GATB: variants seen among roughly 807,000 people sequenced by gnomAD.
GATB encodes the protein glutamyl-tRNA(Gln) amidotransferase subunit B, mitochondrial.
Under a neutral mutation model 62.3 loss-of-function variants are expected in GATB, and 39 were observed. That is an observed-to-expected ratio of 0.63 (90% CI 0.48 to 0.82). GATB has a LOEUF of 0.82. Among genes scored for constraint, GATB ranks in the 40% least tolerant of loss-of-function variants. GATB has a pLI of 0.00. For missense variants in GATB, 670 were observed against 684.0 expected, an observed-to-expected ratio of 0.98 and a Z score of 0.23; for synonymous variants, 276 against 258.9, an observed-to-expected ratio of 1.07 and a Z score of -0.63.
intron 5 of GATB, among the ~76,000 whole-genome samples, chr4:151,715,585 C>T (rs1327685114): frequency 2.6e-5 from 4 of 152,044 alleles, no homozygotes; most frequent in Non-Finnish European, 4.4e-5. Context: ...ATTTGGCTTC[C>T]GCTGTATATG....
rs1317931791 is a variant in GATB at position 151,697,949 on chromosome 4, GTGTGTATATATATA to G, written c.1197+3366_1197+3379del. On this transcript the variant is annotated intron_variant, in intron 9 of 12. Coordinates refer to ENST00000263985, the MANE Select transcript of GATB (RefSeq NM_004564.3). ...CGATTTCATATATATGTGTGTGTGT[GTGTGTATATATATA>G]TATATATATATATATATATATATAT... Among the ~76,000 whole-genome samples, 108 of 96,904 alleles carry G rather than the reference GTGTGTATATATATA, an allele frequency of 1.1e-3. 3 individuals are homozygous for G. Among genetic ancestry groups the G allele is most frequent in the South Asian group, 1.6e-3 (4 of 2,556 alleles). The allele number at this position is 96,904 out of a possible 152,430, so 63.6% of individuals were successfully genotyped here.
In GATB at chr4:151,695,616, A is replaced by T. The variant is rs577360192; in HGVS notation, c.1197+5713T>A. 2.0e-5 allele frequency among the ~76,000 whole-genome samples: 3 copies of T among 152,246 alleles called. No individual in the cohort carries two copies. The South Asian group carries it at 6.2e-4, about 32-fold the overall frequency. On this transcript the variant is annotated intron_variant, in intron 9 of 12. Coordinates refer to ENST00000263985, the MANE Select transcript of GATB (RefSeq NM_004564.3). ...CTTCCCGTCTACTGACTGCATGCAC[A>T]GCCAGGGCCCTGCAAGCTCATCTCT...
At chr4:151,750,535 G>T (rs754839307) in intron 2 of GATB, among the ~76,000 whole-genome samples, 1 of 152,108 alleles carries the variant, frequency 6.6e-6, no homozygotes, top group Non-Finnish European at 1.5e-5. Context: ...TTCCATTTCT[G>T]AGAGATAACT....
At chr4:151,731,146 G>C (rs972384955) in intron 2 of GATB, among the ~76,000 whole-genome samples, 1 of 106,912 alleles carries the variant, frequency 9.4e-6, no homozygotes, top group African/African-American at 3.6e-5. Context: ...CTCTTTCCAC[G>C]GTCTCCCTCT....
chr4:151,674,249 C>A (rs1737948134), intron 11 of GATB: 1 of 152,186 alleles, frequency 6.6e-6, no homozygotes, highest in Non-Finnish European at 1.5e-5. Flanking sequence ...AATGAGGAAA[C>A]CATTGGGAGA....
Position 151,758,918 on chromosome 4 carries a change from G to T in GATB, c.181C>A (p.His61Asn), listed in dbSNP as rs372587700. 31 of 1,598,478 alleles carry T rather than the reference G, an allele frequency of 1.9e-5. No homozygotes were observed. Among genetic ancestry groups the T allele is most frequent in the Admixed American group, 7.0e-5 (4 of 57,406 alleles). The change falls in exon 2 of 13, where the codon CAC becomes AAC. Residue 61 changes from histidine (H) to asparagine (N), a missense_variant. His to Asn is a moderately conservative substitution (Grantham distance 68). Transcript: ENST00000263985. ...HTAQKTRKGE[H>N]KWAAVVGLEI... ...AAACCTACCACAGCAGCCCATTTGT[G>T]TTCACTAAGAAGAAAGAGATAATGG...
chr4:151,723,848 A>G (rs957105138), intron 2 of GATB: 8 of 152,254 alleles, frequency 5.3e-5, no homozygotes, highest in African/African-American at 1.9e-4. Flanking sequence ...GATGAGATAA[A>G]TACACAGTGG....
intron 10 of GATB, among the ~76,000 whole-genome samples, chr4:151,681,165 G>A (rs774838418): frequency 1.3e-5 from 2 of 152,126 alleles, no homozygotes; most frequent in Non-Finnish European, 2.9e-5. Context: ...CCGATTTCCC[G>A]GGCTCTAAAC....
At chr4:151,699,843 G>A (rs751954753) in intron 9 of GATB, among the ~76,000 whole-genome samples, 1 of 152,146 alleles carries the variant, frequency 6.6e-6, no homozygotes, top group Non-Finnish European at 1.5e-5. Flanking sequence ...CACATTTTGA[G>A]CAAGGAAACC....
In GATB at chr4:151,729,786, A is replaced by T. The variant is rs1206492034; in HGVS notation, c.328-10248T>A. Among the ~76,000 whole-genome samples, 3 of 152,224 alleles carry T rather than the reference A, an allele frequency of 2.0e-5. No individual in the cohort carries two copies. The South Asian group carries it at 6.2e-4, about 32-fold the overall frequency. ...GTACAAGCCTCCCACACAAAACTCA[A>T]GGAATCTATTAACTATGAAGAGAAG... On this transcript the variant is annotated intron_variant, in intron 2 of 12. Coordinates refer to ENST00000263985, the MANE Select transcript of GATB (RefSeq NM_004564.3).
At position 151,697,953 on chromosome 4, in the gene GATB, GTATATATATATATATATATATATATATA is replaced by G. The variant is rs56231389; in HGVS notation, c.1197+3348_1197+3375del. Among the ~76,000 whole-genome samples, 16 of 40,604 alleles carry G rather than the reference GTATATATATATATATATATATATATATA, an allele frequency of 3.9e-4. No homozygotes were observed. The East Asian group carries it at 4.4e-3, about 11-fold the overall frequency. The allele number at this position is 40,604 out of a possible 152,430, so 26.6% of individuals were successfully genotyped here. A position where few individuals can be genotyped will look rare whatever the true frequency, so the allele number is the denominator to read the frequency against. On this transcript the variant is annotated intron_variant, in intron 9 of 12. Transcript: ENST00000263985. ...TTCATATATATGTGTGTGTGTGTGTGTATATATATATATATATATATATATATATATATATATATATGAAATGAAGGCA... is the reference window on the plus strand; with the variant it reads ...TTCATATATATGTGTGTGTGTGTGTGTATATATATATATGAAATGAAGGCA...
At chr4:151,743,409 G>A (rs1441708131) in intron 2 of GATB, among the ~76,000 whole-genome samples, 1 of 152,236 alleles carries the variant, frequency 6.6e-6, no homozygotes, top group Non-Finnish European at 1.5e-5. Flanking sequence ...ACCAGCATCA[G>A]TGCTGTGTAG....
At chr4:151,702,850 C>T (rs1031153380) in intron 8 of GATB, among the ~76,000 whole-genome samples, 1 of 152,108 alleles carries the variant, frequency 6.6e-6, no homozygotes, top group African/African-American at 2.4e-5. Context: ...GGAATGGATT[C>T]GAAGCACACG....
At chr4:151,755,289 C>T (rs924384967) in intron 2 of GATB, among the ~76,000 whole-genome samples, 1 of 152,044 alleles carries the variant, frequency 6.6e-6, no homozygotes, top group Non-Finnish European at 1.5e-5. Context: ...TAGCATTGTC[C>T]TATGTCACTA....
chr4:151,738,363 A>C (rs1739421436), intron 2 of GATB, among the ~76,000 whole-genome samples: 1 of 152,172 alleles, frequency 6.6e-6, no homozygotes, highest in Non-Finnish European at 1.5e-5. Flanking sequence ...ATAGTGAGTA[A>C]GTCTCACGAG....
At chr4:151,749,613 C>T (rs12506000) in intron 2 of GATB, among the ~76,000 whole-genome samples, 62,393 of 150,592 alleles carry the variant, frequency 0.41, 13,384 homozygotes, top group South Asian at 0.57. Flanking sequence ...GTTGTGCACA[C>T]GTACCCTAGA....
intron 2 of GATB, among the ~76,000 whole-genome samples, chr4:151,739,416 A>G (rs989800646): frequency 6.6e-6 from 1 of 152,074 alleles, no homozygotes; most frequent in Non-Finnish European, 1.5e-5. Flanking sequence ...TGGCAAAATG[A>G]CCTCCTAACT....
chr4:151,709,789 G>A (rs1738782072), intron 5 of GATB, among the ~76,000 whole-genome samples: 2 of 151,928 alleles, frequency 1.3e-5, no homozygotes, highest in African/African-American at 4.8e-5. Context: ...ATATAGTCTG[G>A]GTTCATCATT....
intron 2 of GATB, among the ~76,000 whole-genome samples, chr4:151,727,803 G>C (rs1175102925): frequency 6.6e-6 from 1 of 152,164 alleles, no homozygotes. Flanking sequence ...TTCACACATA[G>C]CAGACACTTA....
Sources: gnomAD v4.1 joint callset for allele counts (sites outside exome capture counted in the v4.1 genomes callset) on GRCh38, gnomAD v4.1.1 for gene constraint, MANE v1.5 for transcripts, NCBI Gene and HGNC (gene_info 2026-07-23, HGNC 2026-07-21) for gene names.